Variants in XYLT1 observed in about 807,000 individuals in gnomAD.
XYLT1 encodes the protein xylosyltransferase 1.
A neutral mutation model predicts 91.3 loss-of-function variants in XYLT1; 36 were observed. That is an observed-to-expected ratio of 0.39 (90% CI 0.30 to 0.52). XYLT1 has a LOEUF of 0.52. Ranked by LOEUF, XYLT1 falls within the 20% of genes least tolerant of loss-of-function variation. The pLI, the probability that XYLT1 is intolerant of heterozygous loss-of-function variation, is 0.68. For missense variants in XYLT1, 1,242 were observed against 1,284.5 expected, an observed-to-expected ratio of 0.97 and a Z score of 0.51; for synonymous variants, 588 against 532.0, an observed-to-expected ratio of 1.11 and a Z score of -1.45.
At chr16:17,345,000 C>T (rs1429552969) in intron 2 of XYLT1, among the ~76,000 whole-genome samples, 1 of 152,206 alleles carries the variant, frequency 6.6e-6, no homozygotes, top group South Asian at 2.1e-4. Flanking sequence ...CCACTGCGCC[C>T]GGCCTAACAC....
chr16:17,294,411 G>C (rs1006887392), intron 2 of XYLT1, among the ~76,000 whole-genome samples: 1 of 152,178 alleles, frequency 6.6e-6, no homozygotes, highest in African/African-American at 2.4e-5. Context: ...AAAATAAGCA[G>C]AGTGCGCATA....
chr16:17,248,593 C>T (rs2033481556), intron 3 of XYLT1, among the ~76,000 whole-genome samples: 5 of 152,142 alleles, frequency 3.3e-5, no homozygotes, highest in Admixed American at 3.3e-4. Context: ...CCTCTGCCTA[C>T]CCGAGGGCCT....
intron 2 of XYLT1, among the ~76,000 whole-genome samples, chr16:17,298,698 C>A (rs757583406): frequency 6.6e-6 from 1 of 152,160 alleles, no homozygotes; most frequent in Non-Finnish European, 1.5e-5. Context: ...GCTCTGACCT[C>A]CTGTGCTGCT....
chr16:17,348,712 C>T (rs2035179949), intron 2 of XYLT1, among the ~76,000 whole-genome samples: 1 of 152,202 alleles, frequency 6.6e-6, no homozygotes, highest in East Asian at 1.9e-4. Context: ...CCCTCATACA[C>T]CTGGACCTCC....
rs140700690 is a variant in XYLT1 at position 17,350,700 on chromosome 16, C to A, written c.402+7312G>T. Among the ~76,000 whole-genome samples, 488 of 150,834 alleles carry A rather than the reference C, an allele frequency of 3.2e-3. 4 individuals are homozygous for A. Among genetic ancestry groups the A allele is most frequent in the African/African-American group, 0.012 (474 of 40,172 alleles). On this transcript the variant is annotated intron_variant, in intron 2 of 11. Coordinates refer to ENST00000261381, the MANE Select transcript of XYLT1 (RefSeq NM_022166.4). ...CACCATCCTCTCAACAGATGCTGGG[C>A]ACCATAAGAATTAATGGGCTGGAGA... is the stretch of plus-strand genomic sequence containing the variant.
chr16:17,243,520 C>G (rs889783930), intron 3 of XYLT1, among the ~76,000 whole-genome samples: 5 of 152,186 alleles, frequency 3.3e-5, no homozygotes, highest in Non-Finnish European at 7.3e-5. Flanking sequence ...CGGGATTGTC[C>G]TGGGCAAACC....
chr16:17,129,824 G>A (rs746438008), intron 9 of XYLT1, among the ~76,000 whole-genome samples: 6 of 152,232 alleles, frequency 3.9e-5, no homozygotes, highest in Non-Finnish European at 7.3e-5. Context: ...GAAAGAGCCA[G>A]TGGTCACCTG....
intron 3 of XYLT1, among the ~76,000 whole-genome samples, chr16:17,254,426 G>A (rs879322661): frequency 4.0e-5 from 6 of 151,780 alleles, no homozygotes; most frequent in East Asian, 1.9e-4. Context: ...ACAGAGTCCC[G>A]CCCTGTTGCC....
intron 11 of XYLT1, among the ~76,000 whole-genome samples, chr16:17,110,532 A>G (rs972992099): frequency 6.7e-6 from 1 of 149,942 alleles, no homozygotes; most frequent in Admixed American, 6.6e-5. Context: ...CATGATGGTG[A>G]GGCCTCCCTG....
At chr16:17,138,148 T>TTA (rs2030821233) in intron 8 of XYLT1, 1 of 541,096 alleles carries the variant, frequency 1.8e-6, no homozygotes, top group African/African-American at 1.9e-5. Context: ...TGTTTTTGGG[T>TTA]TAATGAGTCA....
chr16:17,114,640 C>T (rs560518454), intron 11 of XYLT1, among the ~76,000 whole-genome samples: 84 of 152,304 alleles, frequency 5.5e-4, no homozygotes, highest in Non-Finnish European at 1.0e-3. Flanking sequence ...GTGTCCCCAT[C>T]CCCTTGCATC....
chr16:17,338,147 T>A lies in XYLT1; in HGVS notation c.402+19865A>T, dbSNP rs114287478. The A allele has an allele frequency of 1.5e-3, 692 of 455,892 alleles. 5 individuals carry two copies. Among genetic ancestry groups the A allele is most frequent in the African/African-American group, 0.013 (647 of 50,172 alleles). The allele number at this position is 455,892 out of a possible 1,614,324, so 28.2% of individuals were successfully genotyped here. ...TTCCCTGTCCCAGTTCAGGCCTTTA[T>A]CATAACTCCCCTGAACTGAATGTCC... On this transcript the variant is annotated intron_variant, in intron 2 of 11. Coordinates refer to ENST00000261381, the MANE Select transcript of XYLT1 (RefSeq NM_022166.4).
At chr16:17,150,009 A>G (rs367622371) in intron 6 of XYLT1, among the ~76,000 whole-genome samples, 1 of 152,208 alleles carries the variant, frequency 6.6e-6, no homozygotes, top group Non-Finnish European at 1.5e-5. Flanking sequence ...AGACAGGTAC[A>G]TAGGACACCT....
intron 2 of XYLT1, 51 bp from the exon 3 acceptor site, chr16:17,259,549 C>T (rs746791460): frequency 1.6e-5 from 26 of 1,577,666 alleles, no homozygotes; most frequent in Non-Finnish European, 1.9e-5. Flanking sequence ...AGAGATCATG[C>T]TAAGCAGACT....
chr16:17,305,587 T>C (rs1245842287), intron 2 of XYLT1, among the ~76,000 whole-genome samples: 1 of 151,988 alleles, frequency 6.6e-6, no homozygotes, highest in Non-Finnish European at 1.5e-5. Flanking sequence ...AGCTAACTTT[T>C]GTATTTTTAG....
At chr16:17,186,472 T>C (rs1430418502) in intron 5 of XYLT1, among the ~76,000 whole-genome samples, 1 of 150,828 alleles carries the variant, frequency 6.6e-6, no homozygotes, top group East Asian at 1.9e-4. Flanking sequence ...GGTTAATTTT[T>C]TTTTTTTTTT....
intron 1 of XYLT1, among the ~76,000 whole-genome samples, chr16:17,379,757 T>TCACA (rs1240413974): frequency 3.8e-5 from 5 of 129,924 alleles, no homozygotes; most frequent in African/African-American, 6.8e-5. Context: ...TCTCTCTCTC[T>TCACA]CTCTCTCACA....
At chr16:17,292,978 C>T (rs7206651) in intron 2 of XYLT1, among the ~76,000 whole-genome samples, 90,793 of 152,008 alleles carry the variant, frequency 0.6, 29,390 homozygotes, top group African/African-American at 0.86. Flanking sequence ...TGGGCAGCTC[C>T]ATGCAATGGA....
chr16:17,208,328 T>C (rs1039407888), intron 3 of XYLT1, among the ~76,000 whole-genome samples: 5 of 151,656 alleles, frequency 3.3e-5, no homozygotes, highest in Non-Finnish European at 5.9e-5. Context: ...CTGAACATCC[T>C]GCACTTCTCT....
Sources: allele counts gnomAD v4.1 joint callset (sites outside exome capture counted in the v4.1 genomes callset), GRCh38; gene constraint gnomAD v4.1.1; transcripts MANE v1.5; gene names NCBI Gene and HGNC (gene_info 2026-07-23, HGNC 2026-07-21).